RMC1: variants seen among roughly 807,000 people sequenced by gnomAD.
RMC1 encodes regulator of MON1-CCZ1, also known as regulator of MON1-CCZ1 complex.
A neutral mutation model predicts 95.5 loss-of-function variants in RMC1; 44 were observed. The observed-to-expected ratio is 0.46, with a 90% confidence interval of 0.36 to 0.59. RMC1 has a LOEUF of 0.59. RMC1 is among the 20% of genes least tolerant of loss of function. The probability of loss-of-function intolerance (pLI) is 0.00; values close to 1 mark genes in which losing one functional copy is unlikely to be tolerated. For synonymous variants in RMC1, 320 were observed against 303.6 expected, an observed-to-expected ratio of 1.05 and a Z score of -0.56; for missense variants, 705 against 819.6, an observed-to-expected ratio of 0.86 and a Z score of 1.71.
At position 23,516,398 on chromosome 18, in the gene RMC1, G is replaced by T; in HGVS notation, c.628G>T (p.Glu210Ter). The T allele has an allele frequency of 6.2e-7, 1 of 1,614,188 alleles. No individual in the cohort carries two copies. The highest frequency in any genetic ancestry group is 8.5e-7 in the Non-Finnish European group (1 of 1,180,028). ...APKSTKPSLS[E>*]RDIAMATIYG... ...TAAGTCAACTAAACCCAGCCTTTCC[G>T]AAAGAGACATCGCAATGGCTACCAT... Residue 210 changes from glutamate (E) to a stop codon, truncating the protein, a stop_gained, in exon 7 of 20, where the codon GAA becomes TAA. Transcript: ENST00000269221. LOFTEE classifies it high-confidence loss of function.
At chr18:23,531,575 C>T (rs375254375) in intron 19 of RMC1, 50 bp from the exon 20 acceptor site, 1 of 1,593,030 alleles carries the variant, frequency 6.3e-7, no homozygotes, top group Non-Finnish European at 8.5e-7. Context: ...CTTTCTTTGT[C>T]CCTCATTTCA....
At chr18:23,517,836 G>C (rs1180375860) in intron 7 of RMC1, among the ~76,000 whole-genome samples, 1 of 152,122 alleles carries the variant, frequency 6.6e-6, no homozygotes, top group Non-Finnish European at 1.5e-5. Context: ...TCCTGCCACA[G>C]TCTCCCAAGT....
In RMC1 at chr18:23,518,848, G is replaced by C. The variant is rs765084659; in HGVS notation, c.654-42G>C. On this transcript the variant is annotated intron_variant, in intron 7 of 19. Transcript: ENST00000269221. ...ATGCCATTTAGAACAAAGGAATTTT[G>C]AATGGCCAGATGTGATTTATGTCTG... is the stretch of plus-strand genomic sequence containing the variant. 8.3e-5 allele frequency: 130 copies of C among 1,573,314 alleles called. No homozygotes were observed. In the South Asian group the frequency reaches 1.2e-3, roughly 14 times the overall value.
intron 8 of RMC1, 44 bp from the exon 9 acceptor site, chr18:23,519,025 T>A (rs370291227): frequency 2.5e-6 from 4 of 1,613,090 alleles, no homozygotes; most frequent in Non-Finnish European, 3.4e-6. Flanking sequence ...TTTTAAAATG[T>A]GAACTGCAGC....
At chr18:23,527,223 CAAAAAAAAAA>C (rs386387173) in intron 13 of RMC1, among the ~76,000 whole-genome samples, 6 of 43,670 alleles carry the variant, frequency 1.4e-4, no homozygotes, top group Admixed American at 6.0e-4. Flanking sequence ...CCTGTCTCTA[CAAAAAAAAAA>C]AAAAAAAAAA....
intron 10 of RMC1, among the ~76,000 whole-genome samples, chr18:23,521,872 C>T (rs1372890384): frequency 3.3e-5 from 5 of 152,156 alleles, no homozygotes; most frequent in African/African-American, 4.8e-5. Flanking sequence ...GCCTGTCCCT[C>T]GCAGCAGTCT....
rs775071212 is a variant in RMC1, at chr18:23,507,965, C to G, written c.265-20C>G. On this transcript the variant is annotated intron_variant, in intron 3 of 19. Coordinates refer to ENST00000269221, the MANE Select transcript of RMC1 (RefSeq NM_013326.5). The stretch of plus-strand genomic sequence containing the variant: ...CTGCCTAATCCAAATTTGTGTGTGT[C>G]TGTGTGTTTTTCCTTTCAGGATTTT... 3.7e-6 allele frequency: 6 copies of G among 1,608,276 alleles called. No individual in the cohort carries two copies. The highest frequency in any genetic ancestry group is 5.1e-6 in the Non-Finnish European group (6 of 1,177,518).
intron 11 of RMC1, 49 bp from the exon 12 acceptor site, chr18:23,524,380 G>T (rs1357576201): frequency 6.2e-7 from 1 of 1,603,212 alleles, no homozygotes; most frequent in Non-Finnish European, 8.5e-7. Flanking sequence ...AACTGGGTTT[G>T]CTTTTTGTTT....
chr18:23,529,923 A>G, intron 16 of RMC1, 105 bp from the exon 17 acceptor site: 1 of 1,168,146 alleles, frequency 8.6e-7, no homozygotes, highest in Middle Eastern at 2.0e-4. Context: ...TTGTAATGAC[A>G]GACTTTTACT....
At position 23,519,145 on chromosome 18, in the gene RMC1, C is replaced by G; in HGVS notation, c.820C>G (p.Leu274Val). The change falls in exon 9 of 20, where the codon CTG becomes GTG. Residue 274 changes from leucine to valine, a missense_variant. Leu to Val is a conservative substitution (Grantham distance 32). Transcript: ENST00000269221. Reference sequence around the variant, plus strand: ...GTTTGCCCTGAACGTGGTGGACAACCTGGTAGTCGTGCATCATCAGGATAC... The same window carrying G: ...GTTTGCCCTGAACGTGGTGGACAACGTGGTAGTCGTGCATCATCAGGATAC... ...GKFALNVVDN[L>V]VVVHHQDTET... 2 of 1,614,122 alleles carry G rather than the reference C, an allele frequency of 1.2e-6. No homozygotes were observed. The highest frequency in any genetic ancestry group is 1.3e-5 in the African/African-American group (1 of 75,032).
chr18:23,525,914 G>A (rs1412507237), intron 12 of RMC1, among the ~76,000 whole-genome samples: 1 of 152,238 alleles, frequency 6.6e-6, no homozygotes, highest in Non-Finnish European at 1.5e-5. Flanking sequence ...TCCACTGTAT[G>A]TAATGCATTG....
intron 12 of RMC1, 60 bp downstream of exon 12, chr18:23,524,542 G>T (rs931652675): frequency 1.3e-6 from 2 of 1,554,448 alleles, no homozygotes; most frequent in East Asian, 2.2e-5. Flanking sequence ...TTGGATCCCA[G>T]TTGTAGCCAG....
At chr18:23,528,510 G>A (rs1203293250) in intron 14 of RMC1, 1 of 152,922 alleles carries the variant, frequency 6.5e-6, no homozygotes, top group Non-Finnish European at 1.5e-5. Context: ...GGCTGAAAAT[G>A]GTTTTAAACC....
At chr18:23,504,283 A>G (rs2057660945) in intron 1 of RMC1, 88 bp from the exon 2 acceptor site, 3 of 1,059,044 alleles carry the variant, frequency 2.8e-6, no homozygotes, top group Non-Finnish European at 4.4e-6. Flanking sequence ...AGGGTGGTGT[A>G]TAACAGAAAT....
At chr18:23,504,267 G>A in intron 1 of RMC1, 104 bp from the exon 2 acceptor site, 2 of 904,828 alleles carry the variant, frequency 2.2e-6, no homozygotes, top group Non-Finnish European at 3.7e-6. Context: ...TACTTTAGTT[G>A]AACCCAGGGT....
chr18:23,530,717 A>C (rs1295237107), intron 19 of RMC1, 105 bp downstream of exon 19: 26 of 1,071,778 alleles, frequency 2.4e-5, no homozygotes, highest in East Asian at 1.5e-4. Flanking sequence ...TTTGTAAACA[A>C]CACAATTTGA....
rs777619527 is a variant in RMC1, at chr18:23,503,578, C to T, written c.-41C>T. ...CACCGCGCATCCTGCTCCACTCTGG[C>T]GACCGCCCCCGGGGCCCCCGCCGCG... On this transcript the variant is annotated 5_prime_UTR_variant, in exon 1 of 20. Coordinates refer to ENST00000269221, the MANE Select transcript of RMC1 (RefSeq NM_013326.5). 7 of 1,476,046 alleles carry T rather than the reference C, an allele frequency of 4.7e-6. No homozygotes were observed. The highest frequency in any genetic ancestry group is 6.4e-6 in the Non-Finnish European group (7 of 1,092,654). The allele number at this position is 1,476,046 out of a possible 1,614,324, so 91.4% of individuals were successfully genotyped here.
In RMC1 at chr18:23,509,262, G is replaced by A. The variant is rs755127086; in HGVS notation, c.391G>A (p.Gly131Arg). The A allele has an allele frequency of 2.1e-6, 3 of 1,442,348 alleles. No individual in the cohort carries two copies. Among genetic ancestry groups the A allele is most frequent in the African/African-American group, 1.5e-5 (1 of 68,610 alleles). 89.3% of individuals were successfully genotyped at this position (1,442,348 alleles called of 1,614,324 possible). A position where few individuals can be genotyped will look rare whatever the true frequency, so the allele number is the denominator to read the frequency against. The change falls in exon 5 of 20, where the codon GGA (glycine) becomes AGA (arginine). Residue 131 changes from glycine (G) to arginine (R), a missense_variant. Physicochemically the swap from Gly to Arg is moderately radical, Grantham distance 125 (BLOSUM62 -2). Coordinates refer to ENST00000269221, the MANE Select transcript of RMC1 (RefSeq NM_013326.5). ...TGAAATTGTCTTCATAACAGATCAA[G>A]GAATCGAATTTTACCAGGTATTATG... ...STEIVFITDQ[G>R]IEFYQVLPEK...
rs986556734 is a variant in RMC1, at chr18:23,519,058, C to A, written c.744-11C>A. 1.2e-6 allele frequency: 2 copies of A among 1,613,486 alleles called. No homozygotes were observed. The highest frequency in any genetic ancestry group is 1.7e-6 in the Non-Finnish European group (2 of 1,179,614). On this transcript the variant is annotated splice_polypyrimidine_tract_variant and intron_variant, in intron 8 of 19. Transcript: ENST00000269221. ...AGCTTGTTGATCTGTTTTTTGCTTT[C>A]TATCCTACAGAGAAGGTGCCTGTAA...
Sources: allele counts gnomAD v4.1 joint callset (sites outside exome capture counted in the v4.1 genomes callset), GRCh38; gene constraint gnomAD v4.1.1; transcripts MANE v1.5; gene names NCBI Gene and HGNC (gene_info 2026-07-23, HGNC 2026-07-21).